The following RAB28 variants were observed in gnomAD, a reference collection of about 807,000 sequenced individuals.
RAB28 encodes RAB28, member RAS oncogene family.
Under a neutral mutation model 31.7 loss-of-function variants are expected in RAB28, and 24 were observed. The observed-to-expected ratio is 0.76, with a 90% CI of 0.55 to 1.06. The LOEUF (loss-of-function observed/expected upper bound fraction) is 1.06. Ranked by LOEUF, RAB28 falls within the 50% of genes least tolerant of loss-of-function variation. The pLI, the probability that RAB28 is intolerant of heterozygous loss-of-function variation, is 0.00. For missense variants in RAB28, 254 were observed against 258.5 expected (o/e 0.98, Z 0.12); for synonymous variants, 100 against 90.4 (o/e 1.11, Z -0.60).
At chr4:13,372,936 A>G (rs1728771142) in intron 6 of RAB28, among the ~76,000 whole-genome samples, 1 of 151,860 alleles carries the variant, frequency 6.6e-6, no homozygotes, top group Admixed American at 6.6e-5. Flanking sequence ...TAAGGAATAT[A>G]TATTTTTAGC....
intron 3 of RAB28, among the ~76,000 whole-genome samples, chr4:13,466,439 A>G (rs1715848314): frequency 6.7e-6 from 1 of 149,566 alleles, no homozygotes; most frequent in Admixed American, 6.6e-5. Context: ...GCTAACAGAT[A>G]TATTTTTTAA....
At chr4:13,468,305 G>A (rs73231533) in intron 3 of RAB28, among the ~76,000 whole-genome samples, 2,084 of 151,746 alleles carry the variant, frequency 0.014, 24 homozygotes, top group Middle Eastern at 0.045. Context: ...TAGCTCTCAC[G>A]GTACATTCAC....
At chr4:13,397,407 C>G (rs1405090496) in intron 4 of RAB28, among the ~76,000 whole-genome samples, 1 of 152,106 alleles carries the variant, frequency 6.6e-6, no homozygotes, top group African/African-American at 2.4e-5. Context: ...TAGCAATGCT[C>G]TATTTCATGA....
intron 4 of RAB28, among the ~76,000 whole-genome samples, chr4:13,394,496 G>A (rs1349838151): frequency 6.6e-6 from 1 of 152,162 alleles, no homozygotes; most frequent in Non-Finnish European, 1.5e-5. Context: ...GTATGGCTGG[G>A]TTCCTAACAG....
At chr4:13,414,794 T>C (rs966597278) in intron 4 of RAB28, among the ~76,000 whole-genome samples, 1 of 152,262 alleles carries the variant, frequency 6.6e-6, no homozygotes, top group Non-Finnish European at 1.5e-5. Flanking sequence ...GATCTTTTTA[T>C]GTAATCCATT....
At chr4:13,421,041 A>G (rs1305900155) in intron 4 of RAB28, among the ~76,000 whole-genome samples, 1 of 152,240 alleles carries the variant, frequency 6.6e-6, no homozygotes, top group African/African-American at 2.4e-5. Context: ...TAAGCTGGTG[A>G]GCAACTTCAG....
intron 3 of RAB28, among the ~76,000 whole-genome samples, chr4:13,465,562 A>G (rs185066760): frequency 1.3e-5 from 2 of 152,072 alleles, no homozygotes; most frequent in African/African-American, 4.8e-5. Context: ...AAAATTATCA[A>G]AAGTAAAGGA....
At chr4:13,464,850 A>C (rs1198532503) in intron 3 of RAB28, among the ~76,000 whole-genome samples, 1 of 152,154 alleles carries the variant, frequency 6.6e-6, no homozygotes, top group Non-Finnish European at 1.5e-5. Context: ...CAGATATGAA[A>C]CAGATTTTGT....
intron 4 of RAB28, among the ~76,000 whole-genome samples, chr4:13,411,942 G>A (rs577569691): frequency 7.3e-5 from 11 of 151,540 alleles, no homozygotes; most frequent in African/African-American, 2.7e-4. Context: ...TATAAATTAT[G>A]AGAGACAAAA....
chr4:13,395,087 A>T (rs2108894727), intron 4 of RAB28, among the ~76,000 whole-genome samples: 1 of 152,328 alleles, frequency 6.6e-6, no homozygotes, highest in African/African-American at 2.4e-5. Context: ...ATGAAGAAAG[A>T]ACATCAACTT....
At chr4:13,421,824 T>C (rs1713166830) in intron 4 of RAB28, among the ~76,000 whole-genome samples, 1 of 152,188 alleles carries the variant, frequency 6.6e-6, no homozygotes, top group African/African-American at 2.4e-5. Flanking sequence ...GCAATACCAT[T>C]CAGGACACAG....
chr4:13,439,715 A>G (rs927231534), intron 4 of RAB28, among the ~76,000 whole-genome samples: 2 of 152,086 alleles, frequency 1.3e-5, no homozygotes, highest in African/African-American at 2.4e-5. Context: ...TAGGCCTTTG[A>G]TCCATTTTTT....
At chr4:13,472,838 T>TAAATAAAC (rs1460440226) in intron 3 of RAB28, among the ~76,000 whole-genome samples, 3 of 151,488 alleles carry the variant, frequency 2.0e-5, no homozygotes, top group Non-Finnish European at 4.4e-5. Flanking sequence ...AATGAATAAA[T>TAAATAAAC]AAATAAATAA....
chr4:13,368,597 AGTCCTTGACATAG>A lies in RAB28; in HGVS notation c.614_626del (p.Pro205LeufsTer21). 6.2e-7 allele frequency: 1 copy of A among 1,612,700 alleles called. No homozygotes were observed. Among genetic ancestry groups the A allele is most frequent in the Non-Finnish European group, 8.5e-7 (1 of 1,179,184 alleles). On this transcript the variant is annotated frameshift_variant, in exon 7 of 7. Transcript: ENST00000330852. LOFTEE classifies it high-confidence loss of function. ...ACATAGAGCTTCTAGGAGGGTTAAC[AGTCCTTGACATAG>A]GTTCCTGGTTGTAGTTTACAATATC...
intron 3 of RAB28, among the ~76,000 whole-genome samples, chr4:13,467,993 C>T (rs1715942946): frequency 6.6e-6 from 1 of 151,744 alleles, no homozygotes; most frequent in South Asian, 2.1e-4. Context: ...TGAGACAAAG[C>T]AGACTTCAGA....
chr4:13,372,937 T>C (rs1459949046), intron 6 of RAB28, among the ~76,000 whole-genome samples: 1 of 151,856 alleles, frequency 6.6e-6, no homozygotes, highest in Non-Finnish European at 1.5e-5. Context: ...AAGGAATATA[T>C]ATTTTTAGCA....
chr4:13,369,787 A>G (rs1728645704), intron 6 of RAB28: 3 of 1,264,318 alleles, frequency 2.4e-6, no homozygotes, highest in Non-Finnish European at 3.2e-6. Flanking sequence ...GAACTTCCCT[A>G]TTCATAGGGA....
At chr4:13,432,098 A>T (rs1234889809) in intron 4 of RAB28, among the ~76,000 whole-genome samples, 1 of 152,172 alleles carries the variant, frequency 6.6e-6, no homozygotes, top group Non-Finnish European at 1.5e-5. Context: ...GAAAAAACCA[A>T]GTGGAACCTC....
chr4:13,454,642 G>A (rs1715193850), intron 4 of RAB28, among the ~76,000 whole-genome samples: 1 of 151,860 alleles, frequency 6.6e-6, no homozygotes, highest in African/African-American at 2.4e-5. Context: ...AAGGCTGAGA[G>A]AGTATGTGGC....
Sources: allele counts gnomAD v4.1 joint callset (sites outside exome capture counted in the v4.1 genomes callset), GRCh38; gene constraint gnomAD v4.1.1; transcripts MANE v1.5; gene names NCBI Gene and HGNC (gene_info 2026-07-23, HGNC 2026-07-21).